The following DIS3L2 variants were observed in gnomAD, a reference collection of about 807,000 sequenced individuals.
DIS3L2 encodes DIS3-like exonuclease 2.
In DIS3L2, 34 loss-of-function variants were observed where a neutral mutation model predicts 97.5. The observed-to-expected ratio is 0.35, with a 90% CI of 0.27 to 0.46. The LOEUF (loss-of-function observed/expected upper bound fraction) is 0.46. Among genes scored for constraint, DIS3L2 ranks in the 20% least tolerant of loss-of-function variants. DIS3L2 has a pLI of 1.00. For missense variants in DIS3L2, 1,038 were observed against 1,146.0 expected (o/e 0.91, Z 1.36); for synonymous variants, 435 against 445.2 (o/e 0.98, Z 0.29).
intron 6 of DIS3L2, among the ~76,000 whole-genome samples, chr2:232,102,475 T>C (rs1697231380): frequency 6.6e-6 from 1 of 152,214 alleles, no homozygotes; most frequent in Non-Finnish European, 1.5e-5. Context: ...AATGTCCTTA[T>C]TTTTAGGAGA....
At chr2:232,176,480 C>T (rs1428607841) in intron 9 of DIS3L2, among the ~76,000 whole-genome samples, 1 of 151,210 alleles carries the variant, frequency 6.6e-6, no homozygotes, top group African/African-American at 2.4e-5. Flanking sequence ...TTTATTTCTA[C>T]TCTAATCTTT....
At chr2:232,024,750 CTT>C (rs548299061) in intron 4 of DIS3L2, among the ~76,000 whole-genome samples, 2 of 145,762 alleles carry the variant, frequency 1.4e-5, no homozygotes, top group African/African-American at 5.0e-5. Context: ...ACGTGTAATG[CTT>C]TTTTTTTTTG....
chr2:232,329,785 T>TCCCCGGGGGGGCCCC, intron 14 of DIS3L2, 28 bp from the exon 15 acceptor site: 189 of 966,926 alleles, frequency 2.0e-4, no homozygotes, highest in Middle Eastern at 7.0e-4. Flanking sequence ...ACCCCAGCGG[T>TCCCCGGGGGGGCCCC]CCCTCCCATC....
intron 6 of DIS3L2, among the ~76,000 whole-genome samples, chr2:232,088,268 C>T (rs547460422): frequency 0.018 from 1,718 of 97,294 alleles, 18 homozygotes; most frequent in Non-Finnish European, 0.025. Context: ...AGGCGTGGGC[C>T]GGGCGCGGTG....
intron 6 of DIS3L2, among the ~76,000 whole-genome samples, chr2:232,121,398 T>G (rs1469504222): frequency 6.6e-6 from 1 of 152,224 alleles, no homozygotes; most frequent in African/African-American, 2.4e-5. Flanking sequence ...CTAGGTTCTC[T>G]TCCCCTCTAA....
In DIS3L2 at chr2:232,309,500, C is replaced by T. The variant is rs137922025; in HGVS notation, c.1739+9381C>T. ...GGTAGGGAGAGTCTCAGGCTACGGC[C>T]CAGGTTTTTTTGTTTAGTTTTGTTT... On this transcript the variant is annotated intron_variant, in intron 14 of 20. Coordinates refer to ENST00000325385, the MANE Select transcript of DIS3L2 (RefSeq NM_152383.5). Among the ~76,000 whole-genome samples, 909 of 151,978 alleles carry T rather than the reference C, an allele frequency of 6.0e-3. 3 individuals carry two copies. Among genetic ancestry groups the T allele is most frequent in the South Asian group, 0.029 (136 of 4,644 alleles).
rs1694134878 is a variant in DIS3L2 at position 232,276,188 on chromosome 2, G to A, written c.1659+12748G>A. Among the ~76,000 whole-genome samples the A allele has an allele frequency of 2.0e-5, 3 of 152,236 alleles. No homozygotes were observed. Among genetic ancestry groups the A allele is most frequent in the Admixed American group, 6.5e-5 (1 of 15,284 alleles). On this transcript the variant is annotated intron_variant, in intron 13 of 20. Coordinates refer to ENST00000325385, the MANE Select transcript of DIS3L2 (RefSeq NM_152383.5). This position sits in a 1 kb window ranked among gnomAD's most constrained non-coding sequence, Gnocchi z 4.4. ...AAATAAGAAGATGTGCTAATGAATA[G>A]CAGAGTCTACTGGTTTCGAAGCACA...
intron 6 of DIS3L2, among the ~76,000 whole-genome samples, chr2:232,095,375 A>G (rs1290271158): frequency 6.6e-6 from 1 of 152,168 alleles, no homozygotes; most frequent in Non-Finnish European, 1.5e-5. Context: ...CCTTTAACCC[A>G]TTATTTGAAA....
intron 6 of DIS3L2, among the ~76,000 whole-genome samples, chr2:232,129,767 C>T (rs1214739195): frequency 1.3e-5 from 2 of 152,172 alleles, no homozygotes; most frequent in African/African-American, 4.8e-5. Context: ...ATGATAAGTG[C>T]AAGTTTCTCT....
At chr2:232,314,129 T>C (rs1037685310) in intron 14 of DIS3L2, among the ~76,000 whole-genome samples, 8 of 152,330 alleles carry the variant, frequency 5.3e-5, no homozygotes, top group African/African-American at 1.9e-4. Flanking sequence ...GGCCTGCCTG[T>C]GGCCCTAAAG....
intron 13 of DIS3L2, among the ~76,000 whole-genome samples, chr2:232,277,216 G>T (rs1381384635): frequency 4.6e-5 from 7 of 152,164 alleles, no homozygotes; most frequent in Admixed American, 2.0e-4. Context: ...CCTTAATGGG[G>T]TAAGATTTGG....
chr2:232,057,595 G>A (rs1261158889), intron 5 of DIS3L2, among the ~76,000 whole-genome samples: 1 of 151,986 alleles, frequency 6.6e-6, no homozygotes, highest in Non-Finnish European at 1.5e-5. Flanking sequence ...AACAAATTTT[G>A]CCGACAGCCA....
Position 231,968,254 on chromosome 2 carries a change from T to C in DIS3L2, c.-94+6489T>C, listed in dbSNP as rs368813131. Among the ~76,000 whole-genome samples the C allele has an allele frequency of 7.0e-3, 1,070 of 152,178 alleles. 11 individuals are homozygous for C. Among genetic ancestry groups the C allele is most frequent in the African/African-American group, 0.025 (1,033 of 41,520 alleles). Reference sequence around the variant, plus strand: ...CTGGGACTACAGGCACCTGCCACCATGCCCAGCTAATTTTTGTATTTTTAA... The same window carrying C: ...CTGGGACTACAGGCACCTGCCACCACGCCCAGCTAATTTTTGTATTTTTAA... On this transcript the variant is annotated intron_variant, in intron 1 of 20. Transcript: ENST00000325385.
intron 13 of DIS3L2, among the ~76,000 whole-genome samples, chr2:232,277,320 G>A (rs760713021): frequency 1.3e-5 from 2 of 152,120 alleles, no homozygotes; most frequent in Non-Finnish European, 2.9e-5. Context: ...TTGATAACTA[G>A]GCCAGAGTGC....
intron 1 of DIS3L2, among the ~76,000 whole-genome samples, chr2:231,981,759 C>T (rs866138438): frequency 2.7e-4 from 40 of 150,434 alleles, no homozygotes; most frequent in African/African-American, 8.5e-4. Flanking sequence ...GGTGGCCAGG[C>T]GTGGTGGCTC....
At chr2:232,308,929 C>T (rs943923270) in intron 14 of DIS3L2, among the ~76,000 whole-genome samples, 2 of 152,166 alleles carry the variant, frequency 1.3e-5, no homozygotes, top group African/African-American at 4.8e-5. Flanking sequence ...TGGGTTCGTT[C>T]AGGTGCTCTG....
At chr2:232,085,263 T>G (rs1296278354) in intron 5 of DIS3L2, among the ~76,000 whole-genome samples, 1 of 152,236 alleles carries the variant, frequency 6.6e-6, no homozygotes, top group Admixed American at 6.5e-5. Context: ...TTCAATATAT[T>G]TAATTGCGCT....
chr2:232,315,648 A>G (rs1223068186), intron 14 of DIS3L2, among the ~76,000 whole-genome samples: 2 of 152,152 alleles, frequency 1.3e-5, no homozygotes, highest in African/African-American at 4.8e-5. Context: ...CAATGGCTAT[A>G]AATCGCCTAG....
rs371733417 is a variant in DIS3L2, at chr2:232,333,983, G to A, written c.2154G>A (p.Ala718=). 1.7e-5 allele frequency: 28 copies of A among 1,608,976 alleles called. No individual in the cohort carries two copies. The East Asian group carries it at 2.7e-4, about 15-fold the overall frequency. Residue 718 remains alanine (A), a synonymous_variant, in exon 17 of 21, where the codon GCG becomes GCA. Transcript: ENST00000325385. Reference sequence around the variant, plus strand: ...TGGTGCACCGCCTCCTGGCTGCCGCGTTAGGTGAGGGGTGCAGTCGGGGTC... The same window carrying A: ...TGGTGCACCGCCTCCTGGCTGCCGCATTAGGTGAGGGGTGCAGTCGGGGTC... ...DVLVHRLLAA[A]LGYRERLDMA... is the part of the protein sequence containing the mutation.
Sources: allele counts gnomAD v4.1 joint callset (sites outside exome capture counted in the v4.1 genomes callset), GRCh38; gene constraint gnomAD v4.1.1; non-coding constraint Gnocchi (gnomAD v3.1); transcripts MANE v1.5; gene names NCBI Gene and HGNC (gene_info 2026-07-23, HGNC 2026-07-21).